Variants in TMC2 observed in about 807,000 individuals in gnomAD.
TMC2 encodes the protein transmembrane channel like 2, also known as transmembrane channel-like protein 2.
TMC2 carries 102 observed loss-of-function variants against 105.9 expected under a neutral mutation model. The ratio of observed to expected loss-of-function variants is 0.96; its 90% CI spans 0.82 to 1.14. TMC2 has a LOEUF of 1.14. Ranked by LOEUF, TMC2 falls within the 50% of genes most tolerant of loss-of-function variation. The probability of loss-of-function intolerance (pLI) is 0.00; values close to 1 mark genes in which losing one functional copy is unlikely to be tolerated. For missense variants in TMC2, 1,093 were observed against 1,134.3 expected (o/e 0.96, Z 0.52); for synonymous variants, 402 against 422.8 (o/e 0.95, Z 0.60).
chr20:2,624,530 G>C, intron 17 of TMC2, 134 bp downstream of exon 17: 1 of 1,111,308 alleles, frequency 9.0e-7, no homozygotes, highest in Non-Finnish European at 1.3e-6. Flanking sequence ...AAGGATTCAA[G>C]TGTAAGTATT....
At chr20:2,614,924 A>G (rs1293096883) in intron 14 of TMC2, among the ~76,000 whole-genome samples, 2 of 152,218 alleles carry the variant, frequency 1.3e-5, no homozygotes, top group Non-Finnish European at 2.9e-5. Flanking sequence ...AATTTCTAAA[A>G]GAAAGCATGT....
In TMC2 at chr20:2,642,686, T is replaced by C. The variant is rs1210870402; in HGVS notation, c.*1335T>C. Among the ~76,000 whole-genome samples the C allele has an allele frequency of 6.6e-6, 1 of 152,064 alleles. No homozygotes were observed. The highest frequency in any genetic ancestry group is 1.5e-5 in the Non-Finnish European group (1 of 67,974). ...TGGCAAGGGCAGAGCCTAGGTAGGG[T>C]GGGAGTCACAGTCCAGGACTCTGCA... On this transcript the variant is annotated 3_prime_UTR_variant, in exon 20 of 20. Coordinates refer to ENST00000358864, the MANE Select transcript of TMC2 (RefSeq NM_080751.3).
rs1157376245 is a variant in TMC2 at position 2,592,300 on chromosome 20, T to C, written c.835-10T>C. The C allele has an allele frequency of 6.3e-7, 1 of 1,593,938 alleles. No homozygotes were observed. Among genetic ancestry groups the C allele is most frequent in the Admixed American group, 1.7e-5 (1 of 59,880 alleles). ...CCACTCATACTTGTGTCATTGTGTT[T>C]CTGCACAAGGTACTGATGGGCATGC... is the stretch of plus-strand genomic sequence containing the variant. On this transcript the variant is annotated splice_polypyrimidine_tract_variant and intron_variant, in intron 7 of 19. Transcript: ENST00000358864. This position sits in a 1 kb window ranked among gnomAD's most constrained non-coding sequence, Gnocchi z 4.9.
intron 4 of TMC2, among the ~76,000 whole-genome samples, chr20:2,565,758 T>C (rs192676685): frequency 5.3e-5 from 8 of 152,206 alleles, no homozygotes; most frequent in Non-Finnish European, 7.4e-5. Flanking sequence ...GGCTTGCTAG[T>C]GCTGGGTGTG....
At chr20:2,626,949 C>T (rs1014122833) in intron 17 of TMC2, among the ~76,000 whole-genome samples, 5 of 152,204 alleles carry the variant, frequency 3.3e-5, no homozygotes, top group Admixed American at 6.5e-5. Flanking sequence ...TACAGCCCTT[C>T]GTATTTATTG....
At chr20:2,541,604 G>A (rs960065498) in intron 2 of TMC2, among the ~76,000 whole-genome samples, 2 of 148,736 alleles carry the variant, frequency 1.3e-5, no homozygotes, top group Non-Finnish European at 3.0e-5. Flanking sequence ...TTGCACCACT[G>A]CCCTCCAGAC....
In TMC2 at chr20:2,558,444, C is replaced by T. The variant is rs925770960; in HGVS notation, c.83-12C>T. 5.0e-5 allele frequency: 77 copies of T among 1,552,350 alleles called. No homozygotes were observed. Among genetic ancestry groups the T allele is most frequent in the Non-Finnish European group, 6.4e-5 (74 of 1,147,876 alleles). On this transcript the variant is annotated splice_polypyrimidine_tract_variant and intron_variant, in intron 2 of 19. Transcript: ENST00000358864. This position sits in a 1 kb window ranked among gnomAD's most constrained non-coding sequence, Gnocchi z 4.6. ...GTTGGAACCAGAACTGTCCATTTTC[C>T]CGCCCCGGCAGGTGACAGGCTGGGA...
In TMC2 at chr20:2,592,311, T is replaced by C; in HGVS notation, c.836T>C (p.Val279Ala). ...TGTGTCATTGTGTTTCTGCACAAGGTACTGATGGGCATGCCCTATGGGAGT... is the reference window on the plus strand; with the variant it reads ...TGTGTCATTGTGTTTCTGCACAAGGCACTGATGGGCATGCCCTATGGGAGT... ...LIFGLVIIPE[V>A]LMGMPYGSIP... The change falls in exon 8 of 20, where the codon GTA (valine) becomes GCA (alanine). Residue 279 changes from valine to alanine, a missense_variant and splice_region_variant. Coordinates refer to ENST00000358864, the MANE Select transcript of TMC2 (RefSeq NM_080751.3). This position sits in a 1 kb window ranked among gnomAD's most constrained non-coding sequence, Gnocchi z 4.9. 2 of 1,608,934 alleles carry C rather than the reference T, an allele frequency of 1.2e-6. No homozygotes were observed. Among genetic ancestry groups the C allele is most frequent in the Non-Finnish European group, 1.7e-6 (2 of 1,175,278 alleles).
chr20:2,581,032 G>A (rs2086185408), intron 7 of TMC2, among the ~76,000 whole-genome samples: 2 of 152,186 alleles, frequency 1.3e-5, no homozygotes, highest in African/African-American at 4.8e-5. Context: ...CAGAGGAACA[G>A]TATGTGTGCA....
intron 2 of TMC2, among the ~76,000 whole-genome samples, chr20:2,556,235 C>T (rs1005885145): frequency 1.3e-5 from 2 of 152,054 alleles, no homozygotes; most frequent in South Asian, 2.1e-4. Context: ...ATTACAGGCA[C>T]GTGCCATCAT....
chr20:2,617,289 T>A lies in TMC2; in HGVS notation c.2158T>A (p.Ser720Thr). Reference protein sequence around the residue: ...VAYTIMSLPPSFDCGPFSGKN... With the variant: ...VAYTIMSLPPTFDCGPFSGKN... ...CTACACCATCATGTCCCTCCCACCCTCCTTTGACTGCGGGCCGTTCAGGTG... is the reference window on the plus strand; with the variant it reads ...CTACACCATCATGTCCCTCCCACCCACCTTTGACTGCGGGCCGTTCAGGTG... Residue 720 changes from serine to threonine, a missense_variant, in exon 16 of 20, where the codon TCC becomes ACC. By Grantham distance (58) the Ser-to-Thr change is moderately conservative. Transcript: ENST00000358864. 6.2e-7 allele frequency: 1 copy of A among 1,614,106 alleles called. No homozygotes were observed. Among genetic ancestry groups the A allele is most frequent in the South Asian group, 1.1e-5 (1 of 91,072 alleles).
At position 2,558,293 on chromosome 20, in the gene TMC2, C is replaced by A. The variant is rs1600099637; in HGVS notation, c.83-163C>A. On this transcript the variant is annotated intron_variant, in intron 2 of 19. Coordinates refer to ENST00000358864, the MANE Select transcript of TMC2 (RefSeq NM_080751.3). This position sits in a 1 kb window ranked among gnomAD's most constrained non-coding sequence, Gnocchi z 4.6. ...TCTTAGTTTCCTTCAGCTTAAAATACTCAACATGCCAAGGTGCCATACTTT... is the reference window on the plus strand; with the variant it reads ...TCTTAGTTTCCTTCAGCTTAAAATAATCAACATGCCAAGGTGCCATACTTT... 2.8e-6 allele frequency: 4 copies of A among 1,437,368 alleles called. No homozygotes were observed. In the East Asian group the frequency reaches 7.5e-5, roughly 27 times the overall value. The allele number at this position is 1,437,368 out of a possible 1,614,324, so 89.0% of individuals were successfully genotyped here.
intron 10 of TMC2, among the ~76,000 whole-genome samples, chr20:2,598,935 A>G (rs1356774768): frequency 6.6e-6 from 1 of 152,148 alleles, no homozygotes; most frequent in Non-Finnish European, 1.5e-5. Flanking sequence ...TACATGTCCA[A>G]AAAAAAGGTA....
chr20:2,562,455 G>C (rs2122836395), intron 4 of TMC2, among the ~76,000 whole-genome samples: 1 of 152,364 alleles, frequency 6.6e-6, no homozygotes, highest in East Asian at 1.9e-4. Flanking sequence ...GTGAGTGGGA[G>C]AGGGTCTGCC....
intron 4 of TMC2, among the ~76,000 whole-genome samples, chr20:2,571,445 A>G (rs945963261): frequency 1.3e-5 from 2 of 152,204 alleles, no homozygotes; most frequent in East Asian, 3.8e-4. Flanking sequence ...CAAAACCACA[A>G]TGACACACCA....
chr20:2,581,554 T>C (rs964278854), intron 7 of TMC2, among the ~76,000 whole-genome samples: 3 of 152,248 alleles, frequency 2.0e-5, no homozygotes, highest in African/African-American at 7.2e-5. Context: ...GTCTCATTTA[T>C]CTCCTCCATA....
intron 17 of TMC2, among the ~76,000 whole-genome samples, chr20:2,632,018 T>C (rs956357690): frequency 6.6e-6 from 1 of 150,686 alleles, no homozygotes; most frequent in Admixed American, 6.6e-5. Flanking sequence ...TTCAAGTTCA[T>C]TGATTCTTTT....
At chr20:2,626,525 A>C (rs1255975185) in intron 17 of TMC2, among the ~76,000 whole-genome samples, 2 of 152,274 alleles carry the variant, frequency 1.3e-5, no homozygotes, top group African/African-American at 4.8e-5. Flanking sequence ...AGGGATACCC[A>C]GGTTCAAGAG....
intron 4 of TMC2, among the ~76,000 whole-genome samples, chr20:2,566,308 G>A (rs908346228): frequency 1.1e-4 from 16 of 152,164 alleles, no homozygotes; most frequent in Non-Finnish European, 2.1e-4. Context: ...AAAAAATAGC[G>A]ATTACTGTTA....
Sources: allele counts gnomAD v4.1 joint callset (sites outside exome capture counted in the v4.1 genomes callset), GRCh38; gene constraint gnomAD v4.1.1; non-coding constraint Gnocchi (gnomAD v3.1); transcripts MANE v1.5; gene names NCBI Gene and HGNC (gene_info 2026-07-23, HGNC 2026-07-21).